RAB5A: variants seen among roughly 807,000 people sequenced by gnomAD.
The protein encoded by RAB5A is ras-related protein Rab-5A.
RAB5A carries 8 observed loss-of-function variants against 25.7 expected under a neutral mutation model. The observed-to-expected ratio is 0.31, with a 90% CI of 0.18 to 0.56. RAB5A has a LOEUF of 0.56. Ranked by LOEUF, RAB5A falls within the 20% of genes least tolerant of loss-of-function variation. RAB5A has a pLI of 0.91. For missense variants in RAB5A, 192 were observed against 259.7 expected (o/e 0.74, Z 1.79); for synonymous variants, 98 against 89.8 (o/e 1.09, Z -0.52).
chr3:19,982,118 GT>G, intron 5 of RAB5A, among the ~76,000 whole-genome samples: 1 of 151,908 alleles, frequency 6.6e-6, no homozygotes, highest in South Asian at 2.1e-4. Flanking sequence ...ACACCCTGTA[GT>G]CTCAGCTACT....
At chr3:19,969,045 G>GTTTTTTTTTTTTTTTTT (rs386396075) in intron 2 of RAB5A, among the ~76,000 whole-genome samples, 6 of 103,446 alleles carry the variant, frequency 5.8e-5, no homozygotes, top group Non-Finnish European at 7.0e-5. Flanking sequence ...TTTTTTTTTG[G>GTTTTTTTTTTTTTTTTT]TTTTTTTTTT....
intron 2 of RAB5A, among the ~76,000 whole-genome samples, chr3:19,952,332 G>T (rs781728495): frequency 2.6e-5 from 4 of 152,164 alleles, no homozygotes; most frequent in Admixed American, 6.5e-5. Context: ...ACAATATTTT[G>T]CAAGTGATAT....
intron 2 of RAB5A, chr3:19,951,321 A>C (rs1326395988): frequency 1.2e-5 from 4 of 338,400 alleles, no homozygotes; most frequent in African/African-American, 6.2e-5. Context: ...TCAGTGTCTC[A>C]AGTAATAACA....
chr3:19,970,156 T>A lies in RAB5A; in HGVS notation c.164-5445T>A, dbSNP rs368733892. ...ACCTTGTGATCCACCCACCTCGGCC[T>A]CCCAAAGTGCTGGGATTACAGGCGT... On this transcript the variant is annotated intron_variant, in intron 2 of 5. Transcript: ENST00000273047. Among the ~76,000 whole-genome samples, 4 of 152,216 alleles carry A rather than the reference T, an allele frequency of 2.6e-5. No individual in the cohort carries two copies. The South Asian group carries it at 6.2e-4, about 24-fold the overall frequency.
At chr3:19,952,107 G>T (rs2125178297) in intron 2 of RAB5A, among the ~76,000 whole-genome samples, 1 of 152,272 alleles carries the variant, frequency 6.6e-6, no homozygotes, top group Non-Finnish European at 1.5e-5. Context: ...CCAGGTATTT[G>T]GAGGCTGAGG....
intron 5 of RAB5A, among the ~76,000 whole-genome samples, chr3:19,982,104 G>T (rs1696940298): frequency 6.6e-6 from 1 of 151,966 alleles, no homozygotes; most frequent in South Asian, 2.1e-4. Flanking sequence ...AGGCATGGTG[G>T]TGCACACCCT....
intron 4 of RAB5A, among the ~76,000 whole-genome samples, chr3:19,977,354 G>A (rs561697559): frequency 6.6e-5 from 10 of 152,170 alleles, no homozygotes; most frequent in African/African-American, 1.7e-4. Context: ...GATTACAGGC[G>A]TGAGCCACCA....
intron 5 of RAB5A, chr3:19,980,279 A>G (rs897372632): frequency 6.6e-6 from 1 of 152,184 alleles, no homozygotes; most frequent in Non-Finnish European, 1.5e-5. Flanking sequence ...TTTAGTTTGT[A>G]CCTTTTTATT....
chr3:19,978,207 TGTA>T, intron 4 of RAB5A, 100 bp from the exon 5 acceptor site: 3 of 776,436 alleles, frequency 3.9e-6, no homozygotes, highest in Non-Finnish European at 6.9e-6. Flanking sequence ...GGAATCAGGT[TGTA>T]GTAATAAGAA....
chr3:19,982,361 A>G (rs998596926), intron 5 of RAB5A, among the ~76,000 whole-genome samples: 3 of 152,188 alleles, frequency 2.0e-5, no homozygotes, highest in African/African-American at 7.2e-5. Flanking sequence ...ATGCTAAGGT[A>G]TGTTTGTGTG....
intron 2 of RAB5A, among the ~76,000 whole-genome samples, chr3:19,955,110 A>G (rs1191001588): frequency 6.6e-6 from 1 of 152,200 alleles, no homozygotes; most frequent in Admixed American, 6.5e-5. Flanking sequence ...CTTATTTTTA[A>G]GAAGACATTT....
intron 2 of RAB5A, among the ~76,000 whole-genome samples, chr3:19,974,461 T>C (rs1022962622): frequency 1.3e-5 from 2 of 152,216 alleles, no homozygotes; most frequent in African/African-American, 4.8e-5. Context: ...CCTATAATGC[T>C]ACTTTCCTAG....
intron 2 of RAB5A, among the ~76,000 whole-genome samples, chr3:19,951,410 T>C (rs951236283): frequency 6.6e-6 from 1 of 152,230 alleles, no homozygotes; most frequent in Non-Finnish European, 1.5e-5. Context: ...CTCAATTATA[T>C]TGGTTTAAAA....
At chr3:19,964,275 A>G (rs1193314541) in intron 2 of RAB5A, among the ~76,000 whole-genome samples, 3 of 152,160 alleles carry the variant, frequency 2.0e-5, no homozygotes, top group Non-Finnish European at 4.4e-5. Context: ...ATATATCTGT[A>G]TCTATATATC....
intron 2 of RAB5A, among the ~76,000 whole-genome samples, chr3:19,965,603 A>T (rs1240524858): frequency 3.3e-5 from 5 of 152,092 alleles, no homozygotes. Context: ...GAGAAATGCT[A>T]ATTTTTATTC....
intron 5 of RAB5A, chr3:19,979,966 G>T (rs1462307115): frequency 1.3e-5 from 2 of 152,182 alleles, no homozygotes; most frequent in African/African-American, 4.8e-5. Flanking sequence ...CCCAGTAAAA[G>T]TTGCAAGTAT....
At chr3:19,963,574 A>G (rs144932157) in intron 2 of RAB5A, among the ~76,000 whole-genome samples, 3 of 152,122 alleles carry the variant, frequency 2.0e-5, no homozygotes, top group African/African-American at 7.2e-5. Context: ...AACTGTTAAT[A>G]GGAGTTTAAA....
chr3:19,955,899 A>T (rs1209292920), intron 2 of RAB5A, among the ~76,000 whole-genome samples: 1 of 152,082 alleles, frequency 6.6e-6, no homozygotes, highest in Non-Finnish European at 1.5e-5. Flanking sequence ...TCCGTCTTAA[A>T]AAAAAAATTG....
At chr3:19,953,611 T>C (rs1258480772) in intron 2 of RAB5A, among the ~76,000 whole-genome samples, 1 of 152,144 alleles carries the variant, frequency 6.6e-6, no homozygotes, top group East Asian at 1.9e-4. Flanking sequence ...TTTCACCATG[T>C]CGGTCGGGTT....
Sources: gnomAD v4.1 joint callset for allele counts (sites outside exome capture counted in the v4.1 genomes callset) on GRCh38, gnomAD v4.1.1 for gene constraint, MANE v1.5 for transcripts, NCBI Gene and HGNC (gene_info 2026-07-23, HGNC 2026-07-21) for gene names.